Variants in PNPLA8 observed in about 807,000 individuals in gnomAD.
The protein encoded by PNPLA8 is calcium-independent phospholipase A2-gamma.
Under a neutral mutation model 76.9 loss-of-function variants are expected in PNPLA8, and 39 were observed. That is an observed-to-expected ratio of 0.51 (90% CI 0.39 to 0.66). PNPLA8 has a LOEUF of 0.66. Among genes scored for constraint, PNPLA8 ranks in the 30% least tolerant of loss-of-function variants. The pLI, the probability that PNPLA8 is intolerant of heterozygous loss-of-function variation, is 0.00. For missense variants in PNPLA8, 887 were observed against 918.0 expected (o/e 0.97, Z 0.44); for synonymous variants, 301 against 307.9 (o/e 0.98, Z 0.24).
At chr7:108,513,830 C>T (rs1863106335) in intron 4 of PNPLA8, among the ~76,000 whole-genome samples, 1 of 152,122 alleles carries the variant, frequency 6.6e-6, no homozygotes, top group African/African-American at 2.4e-5. Context: ...AGAACAGTTA[C>T]ATAGTATAAA....
Position 108,514,663 on chromosome 7 carries a change from C to A in PNPLA8, c.829G>T (p.Asp277Tyr), listed in dbSNP as rs551076227. 5.6e-6 allele frequency: 9 copies of A among 1,613,874 alleles called. No individual in the cohort carries two copies. In the African/African-American group the frequency reaches 1.1e-4, roughly 19 times the overall value. The change falls in exon 3 of 11, where the codon GAT (aspartate) becomes TAT (tyrosine). Residue 277 changes from aspartate (D) to tyrosine (Y), a missense_variant. Physicochemically the swap from Asp to Tyr is radical, Grantham distance 160 (BLOSUM62 -3). Coordinates refer to ENST00000257694, the MANE Select transcript of PNPLA8 (RefSeq NM_001256007.3). ...DKPTSPSAIP[D>Y]VLQVSTKQSI... ...TGTTTAGTTGAAACTTGAAGAACAT[C>A]AGGTATCGCAGAAGGACTTGTAGGC...
chr7:108,495,515 A>C (rs552115044), intron 7 of PNPLA8, among the ~76,000 whole-genome samples: 1 of 152,284 alleles, frequency 6.6e-6, no homozygotes, highest in South Asian at 2.1e-4. Flanking sequence ...TCACCATGTT[A>C]ATAGTGCTTT....
intron 1 of PNPLA8, among the ~76,000 whole-genome samples, chr7:108,525,767 G>A (rs1034671377): frequency 2.0e-5 from 3 of 152,222 alleles, no homozygotes; most frequent in Admixed American, 6.5e-5. Flanking sequence ...GGGGAGCAGG[G>A]CGGGACCTGC....
chr7:108,482,319 A>C (rs1860454151), intron 9 of PNPLA8, among the ~76,000 whole-genome samples: 2 of 152,094 alleles, frequency 1.3e-5, no homozygotes, highest in South Asian at 4.1e-4. Context: ...AAAAATAAGA[A>C]ACATTAGCTG....
intron 10 of PNPLA8, 78 bp from the exon 11 acceptor site, chr7:108,472,753 T>C: frequency 1.0e-6 from 1 of 1,002,522 alleles, no homozygotes. Flanking sequence ...TAATTTGTCT[T>C]TATTTAAAAT....
intron 9 of PNPLA8, 22 bp downstream of exon 9, chr7:108,487,737 T>A: frequency 6.7e-7 from 1 of 1,491,794 alleles, no homozygotes; most frequent in Non-Finnish European, 9.1e-7. Flanking sequence ...TTTAAAAAAA[T>A]AAGACATACA....
chr7:108,507,730 A>C (rs2154516296), intron 4 of PNPLA8, among the ~76,000 whole-genome samples: 1 of 152,292 alleles, frequency 6.6e-6, no homozygotes, highest in South Asian at 2.1e-4. Flanking sequence ...TCATTTAATC[A>C]CTGAGGCAGC....
chr7:108,514,358 T>C, intron 3 of PNPLA8, 65 bp from the exon 4 acceptor site: 2 of 1,540,010 alleles, frequency 1.3e-6, no homozygotes, highest in Non-Finnish European at 1.8e-6. Context: ...AATGAAAGTT[T>C]CTTAGTTCTC....
rs2154516402 is a variant in PNPLA8, at chr7:108,509,896, A to T, written c.1206+4248T>A. ...TTTGTAGGGACATGGATGAAATTGG[A>T]AATCATCATTCTCAGTAAACTATCG... On this transcript the variant is annotated intron_variant, in intron 4 of 10. Transcript: ENST00000257694. 2.1e-5 allele frequency among the ~76,000 whole-genome samples: 3 copies of T among 146,144 alleles called. No homozygotes were observed. In the South Asian group the frequency reaches 6.6e-4, roughly 32 times the overall value.
intron 6 of PNPLA8, 117 bp downstream of exon 6, chr7:108,497,366 T>G: frequency 1.6e-6 from 1 of 606,846 alleles, no homozygotes; most frequent in Non-Finnish European, 2.8e-6. Context: ...TACAAAATTT[T>G]GGGGTATGGA....
chr7:108,476,243 C>A (rs1184828523), intron 10 of PNPLA8, among the ~76,000 whole-genome samples: 1 of 152,150 alleles, frequency 6.6e-6, no homozygotes, highest in African/African-American at 2.4e-5. Flanking sequence ...GTCTTATTAA[C>A]TGGAGTGCAG....
intron 10 of PNPLA8, among the ~76,000 whole-genome samples, chr7:108,477,352 T>A (rs1220634672): frequency 6.6e-6 from 1 of 152,204 alleles, no homozygotes; most frequent in Non-Finnish European, 1.5e-5. Context: ...GTGAAAAATC[T>A]AGCACATGAG....
intron 7 of PNPLA8, among the ~76,000 whole-genome samples, chr7:108,493,555 C>T (rs1379273346): frequency 1.3e-5 from 2 of 149,498 alleles, no homozygotes; most frequent in African/African-American, 2.4e-5. Context: ...CAGGCGCCCG[C>T]CCCCATGCCT....
At chr7:108,507,306 G>A (rs1462779367) in intron 4 of PNPLA8, among the ~76,000 whole-genome samples, 3 of 125,962 alleles carry the variant, frequency 2.4e-5, no homozygotes, top group African/African-American at 3.1e-5. Flanking sequence ...TCACACCACT[G>A]CACTCCAGCC....
At chr7:108,502,824 C>T (rs901873679) in intron 4 of PNPLA8, 182 bp from the exon 5 acceptor site, 2 of 414,054 alleles carry the variant, frequency 4.8e-6, no homozygotes, top group Non-Finnish European at 8.5e-6. Flanking sequence ...TTCTAGATTA[C>T]ATTTGTTCTA....
Position 108,479,255 on chromosome 7 carries a change from C to T in PNPLA8, c.2003G>A (p.Arg668Lys), listed in dbSNP as rs747385707. ...LGTGRYESDV[R>K]NTVTYTSLKT... ...CAAGCTTGTGTATGTTACCGTGTTT[C>T]TCACATCACTCTCATAACGTCCAGT... Residue 668 changes from arginine (R) to lysine (K), a missense_variant, in exon 10 of 11, where the codon AGA becomes AAA. Arg to Lys is a conservative substitution (Grantham distance 26). Transcript: ENST00000257694. 7 of 1,613,292 alleles carry T rather than the reference C, an allele frequency of 4.3e-6. No individual in the cohort carries two copies. The African/African-American group carries it at 8.0e-5, about 18-fold the overall frequency.
intron 4 of PNPLA8, among the ~76,000 whole-genome samples, 176 bp downstream of exon 4, chr7:108,513,964 GAATT>G (rs1406923979): frequency 6.6e-6 from 1 of 152,062 alleles, no homozygotes; most frequent in Non-Finnish European, 1.5e-5. Context: ...AAAATAAAAT[GAATT>G]GATTAGCATA....
intron 4 of PNPLA8, among the ~76,000 whole-genome samples, chr7:108,506,718 A>G (rs913085716): frequency 2.0e-5 from 3 of 152,090 alleles, no homozygotes; most frequent in African/African-American, 7.2e-5. Flanking sequence ...GTGAAAAAAA[A>G]AACCAGACAT....
At position 108,480,806 on chromosome 7, in the gene PNPLA8, T is replaced by C. The variant is rs566032935; in HGVS notation, c.1879-1427A>G. 3.7e-4 allele frequency: 116 copies of C among 314,690 alleles called. 1 individual carries two copies. The highest frequency in any genetic ancestry group is 2.3e-3 in the African/African-American group (109 of 46,434). 19.5% of individuals were successfully genotyped at this position (314,690 alleles called of 1,614,324 possible). On this transcript the variant is annotated intron_variant, in intron 9 of 10. Coordinates refer to ENST00000257694, the MANE Select transcript of PNPLA8 (RefSeq NM_001256007.3). The stretch of plus-strand genomic sequence containing the variant: ...GCAGCTCTATGAACTTTAATGCATA[T>C]AGATTTGTGTAAATATTACCACAAT...
Sources: gnomAD v4.1 joint callset for allele counts (sites outside exome capture counted in the v4.1 genomes callset) on GRCh38, gnomAD v4.1.1 for gene constraint, MANE v1.5 for transcripts, NCBI Gene and HGNC (gene_info 2026-07-23, HGNC 2026-07-21) for gene names.